NR1I3: variants seen among roughly 807,000 people sequenced by gnomAD.
NR1I3 encodes nuclear receptor subfamily 1 group I member 3.
In NR1I3, 30 loss-of-function variants were observed where a neutral mutation model predicts 38.4. That is an observed-to-expected ratio of 0.78 (90% CI 0.58 to 1.06). The LOEUF (loss-of-function observed/expected upper bound fraction) is 1.06, where lower values mean the gene tolerates loss of function less well. Ranked by LOEUF, NR1I3 falls within the 50% of genes least tolerant of loss-of-function variation. The probability of loss-of-function intolerance (pLI) is 0.00; values close to 1 mark genes in which losing one functional copy is unlikely to be tolerated. For missense variants in NR1I3, 388 were observed against 435.7 expected (o/e 0.89, Z 0.97); for synonymous variants, 143 against 165.1 (o/e 0.87, Z 1.03).
chr1:161,233,569 T>C (rs1463589139), intron 3 of NR1I3, among the ~76,000 whole-genome samples: 1 of 151,594 alleles, frequency 6.6e-6, no homozygotes, highest in Non-Finnish European at 1.5e-5. Context: ...AACTGCACTG[T>C]GGGGGAGAAG....
intron 5 of NR1I3, 25 bp from the exon 6 acceptor site, chr1:161,231,499 A>G: frequency 1.9e-6 from 3 of 1,572,348 alleles, no homozygotes; most frequent in Non-Finnish European, 2.6e-6. Context: ...AAACAAGGAC[A>G]CTTTTCAATT....
In NR1I3 at chr1:161,236,494, A is replaced by C; in HGVS notation, c.72T>G (p.Asn24Lys). The change falls in exon 2 of 9, where the codon AAT becomes AAG. Residue 24 changes from asparagine to lysine, a missense_variant. Coordinates refer to ENST00000367983, the MANE Select transcript of NR1I3 (RefSeq NM_005122.5). ...CGDQATGYHF[N>K]ALTCEGCKGF... is the part of the protein sequence containing the mutation. ...CCTTGCAGCCCTCACAAGTCAGCGC[A>C]TTAAAGTGGTAGCCTGTGGCTTGGT... 6.2e-7 allele frequency: 1 copy of C among 1,614,188 alleles called. No homozygotes were observed. Among genetic ancestry groups the C allele is most frequent in the Non-Finnish European group, 8.5e-7 (1 of 1,180,036 alleles).
intron 6 of NR1I3, 21 bp from the exon 7 acceptor site, chr1:161,231,254 A>AG: frequency 6.2e-7 from 1 of 1,614,074 alleles, no homozygotes; most frequent in South Asian, 1.1e-5. Context: ...TACTAGGATT[A>AG]GGAGCCTCTA....
chr1:161,236,007 TGG>T (rs1330663470), intron 2 of NR1I3, 30 bp from the exon 3 acceptor site: 1 of 1,556,198 alleles, frequency 6.4e-7, no homozygotes, highest in South Asian at 1.2e-5. Flanking sequence ...TGTTAGAGTC[TGG>T]GATGCAATGG....
At position 161,238,036 on chromosome 1, in the gene NR1I3, C is replaced by T; in HGVS notation, c.-34+5G>A. 2 of 1,613,380 alleles carry T rather than the reference C, an allele frequency of 1.2e-6. No homozygotes were observed. Among genetic ancestry groups the T allele is most frequent in the Non-Finnish European group, 1.7e-6 (2 of 1,179,346 alleles). ...TTAGTCTTTGGTCCCCAACAGATTT[C>T]CTACCTGCTTCTCTTAGGCAGCATG... On this transcript the variant is annotated splice_donor_5th_base_variant and intron_variant, in intron 1 of 8. Transcript: ENST00000367983.
chr1:161,230,519 G>A (rs1037250213), intron 8 of NR1I3: 21 of 544,902 alleles, frequency 3.9e-5, no homozygotes, highest in South Asian at 1.0e-4. Context: ...GTGAGGTAAT[G>A]GATGTCATCA....
intron 2 of NR1I3, 72 bp downstream of exon 2, chr1:161,236,387 G>C: frequency 1.3e-6 from 2 of 1,572,328 alleles, no homozygotes; most frequent in African/African-American, 2.7e-5. Flanking sequence ...TTGGGCACCA[G>C]CGAGGGTGTA....
chr1:161,232,772 GT>G (rs1667644743), intron 5 of NR1I3, 34 bp downstream of exon 5: 1 of 1,609,742 alleles, frequency 6.2e-7, no homozygotes, highest in South Asian at 1.1e-5. Flanking sequence ...TTACTGAAGT[GT>G]TTGCCTCCTG....
chr1:161,235,238 G>A (rs1244403835), intron 3 of NR1I3: 1 of 150,042 alleles, frequency 6.7e-6, no homozygotes, highest in African/African-American at 2.5e-5. Context: ...AAAAGCCTTG[G>A]GGAAGAGTGC....
intron 3 of NR1I3, among the ~76,000 whole-genome samples, chr1:161,233,849 G>A (rs868295318): frequency 2.1e-5 from 2 of 93,318 alleles, no homozygotes; most frequent in East Asian, 1.1e-3. Context: ...GTGTGTGTGT[G>A]TGTGTGTGTG....
intron 3 of NR1I3, 44 bp from the exon 4 acceptor site, chr1:161,233,382 G>C (rs1195134635): frequency 6.3e-7 from 1 of 1,593,602 alleles, no homozygotes; most frequent in Non-Finnish European, 8.6e-7. Flanking sequence ...GAGACCAGCA[G>C]AGCATTTCTC....
At chr1:161,233,096 C>A in intron 4 of NR1I3, 73 bp downstream of exon 4, 1 of 1,586,844 alleles carries the variant, frequency 6.3e-7, no homozygotes. Context: ...ATGGCATACA[C>A]CCCTCTCCTT....
Position 161,231,217 on chromosome 1 carries a change from C to T in NR1I3, c.711G>A (p.Glu237=). 1.2e-6 allele frequency: 2 copies of T among 1,614,148 alleles called. No homozygotes were observed. Among genetic ancestry groups the T allele is most frequent in the South Asian group, 1.1e-5 (1 of 91,070 alleles). Residue 237 remains glutamate (E), a synonymous_variant, in exon 7 of 9, where the codon GAG becomes GAA. Coordinates refer to ENST00000367983, the MANE Select transcript of NR1I3 (RefSeq NM_005122.5). ...GGAAGTGAAAGAGCAACTCCAAAAA[C>T]TCTACCTGGAACCCCACTGTGGGAG... ...EDGARVGFQV[E]FLELLFHFHG... is the part of the protein sequence containing the mutation.
chr1:161,236,823 G>A (rs1442235654), intron 1 of NR1I3, among the ~76,000 whole-genome samples: 1 of 151,688 alleles, frequency 6.6e-6, no homozygotes, highest in East Asian at 1.9e-4. Flanking sequence ...TGCCTCCTGG[G>A]CTCAAGCAAT....
At chr1:161,236,280 G>T in intron 2 of NR1I3, 179 bp downstream of exon 2, 2 of 738,290 alleles carry the variant, frequency 2.7e-6, no homozygotes, top group Non-Finnish European at 2.2e-6. Context: ...CCTCTGTTAT[G>T]CCACCAGTTT....
intron 4 of NR1I3, 101 bp from the exon 5 acceptor site, chr1:161,233,047 C>A: frequency 6.3e-7 from 1 of 1,581,926 alleles, no homozygotes; most frequent in South Asian, 1.1e-5. Context: ...GAAGCCTGCT[C>A]AGGCTGGGGT....
At position 161,232,766 on chromosome 1, in the gene NR1I3, T is replaced by C. The variant is rs2307420; in HGVS notation, c.548+41A>G. On this transcript the variant is annotated intron_variant, in intron 5 of 8. Coordinates refer to ENST00000367983, the MANE Select transcript of NR1I3 (RefSeq NM_005122.5). ...TTTTCGGGGTGGATATACAATTTAC[T>C]GAAGTGTTTGCCTCCTGAAAGATGA... 0.027 allele frequency: 43,083 copies of C among 1,605,376 alleles called. 812 individuals are homozygous for C. The highest frequency in any genetic ancestry group is 0.063 in the South Asian group (5,758 of 90,760).
intron 1 of NR1I3, among the ~76,000 whole-genome samples, chr1:161,237,454 T>A (rs567378557): frequency 6.6e-6 from 1 of 151,980 alleles, no homozygotes; most frequent in African/African-American, 2.4e-5. Context: ...GTGCAGTGTC[T>A]CATGCCTGTA....
In NR1I3 at chr1:161,229,776, G is replaced by A. The variant is rs1263939811; in HGVS notation, c.*21C>T. The stretch of plus-strand genomic sequence containing the variant: ...TATCCAGGGTGTTCCAGGTGAGCTG[G>A]GGAAGGAAGTGAGCATGGCCTCAGC... On this transcript the variant is annotated 3_prime_UTR_variant, in exon 9 of 9. Coordinates refer to ENST00000367983, the MANE Select transcript of NR1I3 (RefSeq NM_005122.5). 1.2e-6 allele frequency: 2 copies of A among 1,614,226 alleles called. No individual in the cohort carries two copies. The highest frequency in any genetic ancestry group is 4.5e-5 in the East Asian group (2 of 44,888).
Sources: allele counts gnomAD v4.1 joint callset (sites outside exome capture counted in the v4.1 genomes callset), GRCh38; gene constraint gnomAD v4.1.1; transcripts MANE v1.5; gene names NCBI Gene and HGNC (gene_info 2026-07-23, HGNC 2026-07-21).